The following AMN1 variants were observed in gnomAD, a reference collection of about 807,000 sequenced individuals.
AMN1 encodes the protein antagonist of mitotic exit network 1 homolog.
A neutral mutation model predicts 33.0 loss-of-function variants in AMN1; 20 were observed. The ratio of observed to expected loss-of-function variants is 0.61; its 90% confidence interval spans 0.43 to 0.88. AMN1 has a LOEUF of 0.88. AMN1 is among the 40% of genes least tolerant of loss of function. AMN1 has a pLI of 0.00. For missense variants in AMN1, 246 were observed against 307.4 expected (o/e 0.80, Z 1.49); for synonymous variants, 114 against 111.9 (o/e 1.02, Z -0.12).
chr12:31,712,867 G>C (rs1375324032), intron 1 of AMN1, among the ~76,000 whole-genome samples: 1 of 151,270 alleles, frequency 6.6e-6, no homozygotes, highest in East Asian at 2.0e-4. Flanking sequence ...TGTTAGCCAG[G>C]ATGGTCTCAA....
intron 6 of AMN1, 157 bp from the exon 7 acceptor site, chr12:31,672,534 T>G: frequency 1.7e-6 from 1 of 582,128 alleles, no homozygotes; most frequent in Non-Finnish European, 3.1e-6. Context: ...TCACTAATAA[T>G]TAATTAATGG....
At chr12:31,705,293 T>G (rs36117515) in intron 2 of AMN1, among the ~76,000 whole-genome samples, 20,872 of 151,760 alleles carry the variant, frequency 0.14, 1,846 homozygotes, top group Admixed American at 0.22. Context: ...AGCCCAGAGG[T>G]TCAAGACCAG....
intron 3 of AMN1, 89 bp from the exon 4 acceptor site, chr12:31,698,046 C>T (rs1162945567): frequency 1.6e-6 from 2 of 1,272,830 alleles, no homozygotes; most frequent in Non-Finnish European, 2.2e-6. Flanking sequence ...TTAGCAATCA[C>T]CAGTTCAGTG....
At chr12:31,713,306 G>T (rs2139715940) in intron 1 of AMN1, among the ~76,000 whole-genome samples, 1 of 152,142 alleles carries the variant, frequency 6.6e-6, no homozygotes, top group South Asian at 2.1e-4. Context: ...TTTATTTACA[G>T]TATTATCTAA....
At chr12:31,704,492 GTTTC>G (rs1270949655) in intron 2 of AMN1, among the ~76,000 whole-genome samples, 8 of 131,806 alleles carry the variant, frequency 6.1e-5, no homozygotes, top group Non-Finnish European at 1.4e-4. Flanking sequence ...TTTTGACTTT[GTTTC>G]TTTTTTTTTT....
chr12:31,680,182 T>A (rs1565761058), intron 6 of AMN1, among the ~76,000 whole-genome samples: 4 of 151,648 alleles, frequency 2.6e-5, no homozygotes, highest in African/African-American at 9.7e-5. Flanking sequence ...GTAACATCTA[T>A]AAAACTATAA....
At chr12:31,713,415 C>T (rs141855736) in intron 1 of AMN1, among the ~76,000 whole-genome samples, 1,713 of 151,972 alleles carry the variant, frequency 0.011, 30 homozygotes, top group African/African-American at 0.039. Flanking sequence ...CAAGTTTTTG[C>T]TTGTTGTTTT....
chr12:31,700,994 TTTG>T (rs992154387), intron 3 of AMN1, among the ~76,000 whole-genome samples: 6 of 150,234 alleles, frequency 4.0e-5, no homozygotes, highest in Non-Finnish European at 4.4e-5. Flanking sequence ...TGGCCAATTT[TTTG>T]TTGTTGTTGT....
intron 5 of AMN1, among the ~76,000 whole-genome samples, chr12:31,694,192 A>G (rs1331151022): frequency 6.6e-6 from 1 of 151,702 alleles, no homozygotes; most frequent in African/African-American, 2.4e-5. Flanking sequence ...CTGTAATCCC[A>G]GCACTTTGGG....
At chr12:31,682,737 C>A (rs1000106667) in intron 6 of AMN1, among the ~76,000 whole-genome samples, 1 of 152,084 alleles carries the variant, frequency 6.6e-6, no homozygotes, top group African/African-American at 2.4e-5. Flanking sequence ...GGCTTTTGAG[C>A]TAACAGTCCT....
chr12:31,719,029 T>C (rs1367925923), intron 1 of AMN1, among the ~76,000 whole-genome samples: 1 of 152,242 alleles, frequency 6.6e-6, no homozygotes, highest in Non-Finnish European at 1.5e-5. Flanking sequence ...GGTCTGCTGA[T>C]TGGGAAGACC....
In AMN1 at chr12:31,696,583, T is replaced by C. The variant is rs143599188; in HGVS notation, c.591+778A>G. On this transcript the variant is annotated intron_variant, in intron 5 of 6. Coordinates refer to ENST00000281471, the MANE Select transcript of AMN1 (RefSeq NM_001113402.2). ...AAAGGCTTCTTAATATATTTAGAAA[T>C]AGGTTACAAGTGCATTAGTGATTCA... Among the ~76,000 whole-genome samples, 11 of 152,186 alleles carry C rather than the reference T, an allele frequency of 7.2e-5. No individual in the cohort carries two copies. In the East Asian group the frequency reaches 1.9e-3, roughly 27 times the overall value.
intron 1 of AMN1, among the ~76,000 whole-genome samples, chr12:31,717,222 T>C (rs1231149320): frequency 6.6e-6 from 1 of 152,168 alleles, no homozygotes; most frequent in Non-Finnish European, 1.5e-5. Flanking sequence ...CCTGTGTTAG[T>C]TTGCTGAGGA....
At chr12:31,711,795 C>T (rs1229679759) in intron 1 of AMN1, among the ~76,000 whole-genome samples, 1 of 152,148 alleles carries the variant, frequency 6.6e-6, no homozygotes, top group Non-Finnish European at 1.5e-5. Flanking sequence ...CCCTACCCAT[C>T]TATTGAACAC....
intron 2 of AMN1, among the ~76,000 whole-genome samples, chr12:31,705,249 G>A (rs1298243910): frequency 1.3e-5 from 2 of 152,192 alleles, no homozygotes; most frequent in Non-Finnish European, 2.9e-5. Context: ...TATAATCCTA[G>A]ATCTTTGGGA....
At chr12:31,689,261 T>C in intron 5 of AMN1, 143 bp from the exon 6 acceptor site, 1 of 617,980 alleles carries the variant, frequency 1.6e-6, no homozygotes, top group Non-Finnish European at 2.8e-6. Context: ...CCAATATAAG[T>C]CTGAAGTAAT....
At chr12:31,705,500 A>G (rs114493077) in intron 2 of AMN1, among the ~76,000 whole-genome samples, 3,224 of 152,164 alleles carry the variant, frequency 0.021, 50 homozygotes, top group Middle Eastern at 0.048. Flanking sequence ...TCAAAAAAAA[A>G]ACAACAAACA....
intron 6 of AMN1, among the ~76,000 whole-genome samples, chr12:31,674,423 T>C (rs1229546147): frequency 6.7e-6 from 1 of 149,254 alleles, no homozygotes; most frequent in African/African-American, 2.5e-5. Context: ...AAAAAAAAAG[T>C]GGGCATCATT....
intron 3 of AMN1, 138 bp from the exon 4 acceptor site, chr12:31,698,095 T>G: frequency 1.3e-6 from 1 of 753,458 alleles, no homozygotes; most frequent in Non-Finnish European, 2.1e-6. Flanking sequence ...GAGGAAATAC[T>G]GATTTTCCAG....
Sources: allele counts gnomAD v4.1 joint callset (sites outside exome capture counted in the v4.1 genomes callset), GRCh38; gene constraint gnomAD v4.1.1; transcripts MANE v1.5; gene names NCBI Gene and HGNC (gene_info 2026-07-23, HGNC 2026-07-21).